Variants in AGO1 observed in about 807,000 individuals in gnomAD.
AGO1 encodes argonaute RISC component 1, also known as protein argonaute-1.
In AGO1, 11 loss-of-function variants were observed where a neutral mutation model predicts 109.2. That is an observed-to-expected ratio of 0.10 (90% confidence interval 0.06 to 0.17). The LOEUF (loss-of-function observed/expected upper bound fraction) is 0.17. AGO1 is among the 10% of genes least tolerant of loss of function. The probability of loss-of-function intolerance (pLI) is 1.00; values close to 1 mark genes in which losing one functional copy is unlikely to be tolerated. For synonymous variants in AGO1, 422 were observed against 418.6 expected (o/e 1.01, Z -0.10); for missense variants, 574 against 1,140.3 (o/e 0.50, Z 7.15).
chr1:35,918,108 G>T (rs947933155), intron 16 of AGO1, among the ~76,000 whole-genome samples: 5 of 152,148 alleles, frequency 3.3e-5, no homozygotes, highest in Non-Finnish European at 7.3e-5. Context: ...ACCTCAGAAA[G>T]GTTAAACGAC....
At chr1:35,876,536 G>A (rs911657568) in intron 1 of AGO1, among the ~76,000 whole-genome samples, 1 of 152,140 alleles carries the variant, frequency 6.6e-6, no homozygotes, top group Non-Finnish European at 1.5e-5. Context: ...AAAGTGCTGG[G>A]ATTACAGGTG....
chr1:35,919,138 G>A lies in AGO1; in HGVS notation c.2349G>A (p.Gln783=), dbSNP rs779087158. ...ATGAGCTCCAGATCCTGACGTACCA[G>A]CTGTGCCACACTTACGTACGATGCA... is the stretch of plus-strand genomic sequence containing the variant. The part of the protein sequence containing the change: ...TADELQILTY[Q]LCHTYVRCTR... Residue 783 remains glutamine, a synonymous_variant, in exon 18 of 19, where the codon CAG becomes CAA. Transcript: ENST00000373204. This position sits in a 1 kb window ranked among gnomAD's most constrained non-coding sequence, Gnocchi z 6.6. 6 of 1,614,070 alleles carry A rather than the reference G, an allele frequency of 3.7e-6. No individual in the cohort carries two copies. Among genetic ancestry groups the A allele is most frequent in the Non-Finnish European group, 5.1e-6 (6 of 1,180,046 alleles).
At chr1:35,879,681 C>T (rs1421562995), upstream of AGO1, among the ~76,000 whole-genome samples, 1 of 132,262 alleles carries the variant, frequency 7.6e-6, no homozygotes, top group Non-Finnish European at 1.5e-5. Context: ...GCTGCAGTGA[C>T]CCAAGATTGT....
At chr1:35,916,374 TC>T (rs1329010693) in intron 15 of AGO1, among the ~76,000 whole-genome samples, 2 of 152,170 alleles carry the variant, frequency 1.3e-5, no homozygotes, top group Non-Finnish European at 2.9e-5. Context: ...TTTCTTTTTT[TC>T]TTTTTTTTGG....
At chr1:35,875,784 T>C (rs1644988007) in intron 1 of AGO1, among the ~76,000 whole-genome samples, 1 of 152,208 alleles carries the variant, frequency 6.6e-6, no homozygotes, top group Non-Finnish European at 1.5e-5. Context: ...AAAATATTAC[T>C]GCTCCTTGAC....
At position 35,894,372 on chromosome 1, in the gene AGO1, A is replaced by G; in HGVS notation, c.842A>G (p.Asn281Ser). The G allele has an allele frequency of 6.2e-7, 1 of 1,614,162 alleles. No homozygotes were observed. Among genetic ancestry groups the G allele is most frequent in the Non-Finnish European group, 8.5e-7 (1 of 1,180,020 alleles). Residue 281 changes from asparagine to serine, a missense_variant, in exon 7 of 19, where the codon AAT becomes AGT. Asn to Ser is a conservative substitution (Grantham distance 46, BLOSUM62 1). Transcript: ENST00000373204. ...GQMKRKYRVCNVTRRPASHQT... is the reference protein window; with the variant it reads ...GQMKRKYRVCSVTRRPASHQT... ...ATGAAGAGGAAGTACCGCGTGTGTAATGTTACCCGTCGCCCTGCTAGCCAT... is the reference window on the plus strand; with the variant it reads ...ATGAAGAGGAAGTACCGCGTGTGTAGTGTTACCCGTCGCCCTGCTAGCCAT...
At chr1:35,892,702 C>T in intron 3 of AGO1, 25 bp downstream of exon 3, 1 of 1,614,072 alleles carries the variant, frequency 6.2e-7, no homozygotes, top group Non-Finnish European at 8.5e-7. Context: ...CAGGCTAGGC[C>T]TGTGTCAGGG....
chr1:35,875,412 GATTT>G (rs1571332535), intron 1 of AGO1, among the ~76,000 whole-genome samples: 1 of 151,738 alleles, frequency 6.6e-6, no homozygotes, highest in Non-Finnish European at 1.5e-5. Flanking sequence ...ATGGTTTACT[GATTT>G]ATTTATTTAT....
rs1209462497 is a variant in AGO1, at chr1:35,892,689, A to C, written c.330+12A>C. On this transcript the variant is annotated intron_variant, in intron 3 of 18. Coordinates refer to ENST00000373204, the MANE Select transcript of AGO1 (RefSeq NM_012199.5). ...TTGGCAACGAACGGGTAAGGTTGGG[A>C]GTCAGGCTAGGCCTGTGTCAGGGGT... The C allele has an allele frequency of 6.2e-7, 1 of 1,613,994 alleles. No individual in the cohort carries two copies. The highest frequency in any genetic ancestry group is 1.3e-5 in the African/African-American group (1 of 74,938).
Position 35,929,583 on chromosome 1 carries a change from G to A in AGO1, c.*9976G>A, listed in dbSNP as rs1435467966. 6.6e-6 allele frequency: 1 copy of A among 152,176 alleles called. No homozygotes were observed. Among genetic ancestry groups the A allele is most frequent in the Admixed American group, 6.6e-5 (1 of 15,266 alleles). 9.4% of individuals were successfully genotyped at this position (152,176 alleles called of 1,614,324 possible). On this transcript the variant is annotated 3_prime_UTR_variant, in exon 19 of 19. Coordinates refer to ENST00000373204, the MANE Select transcript of AGO1 (RefSeq NM_012199.5). ...ACCAAGATTTGGATTGTGTACAGTC[G>A]AGGATTAAAAATGACTTTTAAGATG...
chr1:35,870,437 C>T (rs2148701790), intron 1 of AGO1, among the ~76,000 whole-genome samples: 1 of 152,206 alleles, frequency 6.6e-6, no homozygotes, highest in East Asian at 1.9e-4. Context: ...GCGCCCGCCA[C>T]CACGCCCGGC....
rs1380813945 is a variant in AGO1, at chr1:35,923,236, A to G, written c.*3629A>G. The G allele has an allele frequency of 2.0e-5, 3 of 152,198 alleles. No individual in the cohort carries two copies. Among genetic ancestry groups the G allele is most frequent in the Non-Finnish European group, 2.9e-5 (2 of 68,036 alleles). 9.4% of individuals were successfully genotyped at this position (152,198 alleles called of 1,614,324 possible). ...AGCTCCTAATGCCCACCTGCTAGAT[A>G]GCTTCTCTGTGGCCTCCTATTTAGC... On this transcript the variant is annotated 3_prime_UTR_variant, in exon 19 of 19. Transcript: ENST00000373204.
rs1396473268 is a variant in AGO1 at position 35,919,090 on chromosome 1, G to T, written c.2301G>T (p.Trp767Cys). 1 of 1,613,972 alleles carries T rather than the reference G, an allele frequency of 6.2e-7. No individual in the cohort carries two copies. Among genetic ancestry groups the T allele is most frequent in the African/African-American group, 1.3e-5 (1 of 74,894 alleles). Residue 767 changes from tryptophan to cysteine, a missense_variant, in exon 18 of 19, where the codon TGG becomes TGT. Physicochemically the swap from Trp to Cys is radical, Grantham distance 215 (BLOSUM62 -2). Coordinates refer to ENST00000373204, the MANE Select transcript of AGO1 (RefSeq NM_012199.5). This position sits in a 1 kb window ranked among gnomAD's most constrained non-coding sequence, Gnocchi z 6.6. ...GACCATCCCATTACTATGTTCTTTG[G>T]GATGACAACCGTTTCACAGCAGATG... The part of the protein sequence containing the change: ...TSRPSHYYVL[W>C]DDNRFTADEL...
chr1:35,906,722 T>A (rs1645526143), intron 11 of AGO1, among the ~76,000 whole-genome samples: 2 of 151,754 alleles, frequency 1.3e-5, no homozygotes, highest in South Asian at 4.2e-4. Flanking sequence ...ATGGGATGAT[T>A]GTTTTAGCCT....
chr1:35,898,356 A>C (rs1645357162), intron 8 of AGO1, among the ~76,000 whole-genome samples: 1 of 151,462 alleles, frequency 6.6e-6, no homozygotes, highest in Non-Finnish European at 1.5e-5. Context: ...TCCTGGGTTC[A>C]CGCCATTCTC....
chr1:35,880,402 T>A (rs1645025963), upstream of AGO1, among the ~76,000 whole-genome samples: 1 of 151,804 alleles, frequency 6.6e-6, no homozygotes. Context: ...AGTAAGTAAA[T>A]AAATAAATAA....
At position 35,894,307 on chromosome 1, in the gene AGO1, T is replaced by C. The variant is rs770243825; in HGVS notation, c.785-8T>C. On this transcript the variant is annotated splice_polypyrimidine_tract_variant and splice_region_variant and intron_variant, in intron 6 of 18. Coordinates refer to ENST00000373204, the MANE Select transcript of AGO1 (RefSeq NM_012199.5). ...TTTTAGCCCTGACAAGCAGTGTGTG[T>C]ATCTCAGGCCTGAAGGTGGAAGTCA... 11 of 1,613,930 alleles carry C rather than the reference T, an allele frequency of 6.8e-6. No homozygotes were observed. The highest frequency in any genetic ancestry group is 9.3e-6 in the Non-Finnish European group (11 of 1,179,944).
At chr1:35,876,406 A>G (rs931727457) in intron 1 of AGO1, among the ~76,000 whole-genome samples, 1 of 151,790 alleles carries the variant, frequency 6.6e-6, no homozygotes, top group Non-Finnish European at 1.5e-5. Flanking sequence ...AGCTGGGACT[A>G]CAGGCGCCTG....
intron 8 of AGO1, among the ~76,000 whole-genome samples, chr1:35,899,018 C>G (rs1407968383): frequency 6.6e-6 from 1 of 152,156 alleles, no homozygotes; most frequent in Non-Finnish European, 1.5e-5. Context: ...TTCATCATTC[C>G]ACACTGAAAC....
Sources: gnomAD v4.1 joint callset for allele counts (sites outside exome capture counted in the v4.1 genomes callset) on GRCh38, gnomAD v4.1.1 for gene constraint, Gnocchi (gnomAD v3.1) non-coding constraint, MANE v1.5 for transcripts, NCBI Gene and HGNC (gene_info 2026-07-23, HGNC 2026-07-21) for gene names.